The following PHTF2 variants were observed in gnomAD, a reference collection of about 807,000 sequenced individuals.
PHTF2 encodes putative homeodomain transcription factor 2.
PHTF2 carries 60 observed loss-of-function variants against 101.2 expected under a neutral mutation model. That is an observed-to-expected ratio of 0.59 (90% CI 0.48 to 0.73). The LOEUF (loss-of-function observed/expected upper bound fraction) is 0.73. PHTF2 is among the 30% of genes least tolerant of loss of function. PHTF2 has a pLI of 0.00. For synonymous variants in PHTF2, 311 were observed against 307.3 expected (o/e 1.01, Z -0.13); for missense variants, 747 against 908.7 (o/e 0.82, Z 2.29).
At chr7:77,803,203 GATA>G (rs1358083965) in intron 1 of PHTF2, among the ~76,000 whole-genome samples, 4 of 152,228 alleles carry the variant, frequency 2.6e-5, no homozygotes, top group African/African-American at 9.6e-5. Flanking sequence ...ACCACTACCT[GATA>G]ATAATCATAA....
intron 7 of PHTF2, among the ~76,000 whole-genome samples, chr7:77,908,306 C>A (rs1176244697): frequency 6.6e-6 from 1 of 152,122 alleles, no homozygotes; most frequent in East Asian, 1.9e-4. Flanking sequence ...TAATAGTTAG[C>A]ATTGATGGAT....
At chr7:77,947,587 TACAATGTTAGTC>T (rs1562975937) in intron 16 of PHTF2, among the ~76,000 whole-genome samples, 2 of 151,866 alleles carry the variant, frequency 1.3e-5, no homozygotes, top group Non-Finnish European at 2.9e-5. Context: ...AAAGAAGGTA[TACAATGTTAGTC>T]ACAATGTTAA....
intron 2 of PHTF2, among the ~76,000 whole-genome samples, chr7:77,850,523 T>C (rs1261786880): frequency 1.3e-5 from 2 of 151,370 alleles, no homozygotes; most frequent in Admixed American, 1.3e-4. Context: ...ACACCTGTAG[T>C]TGCAACTACT....
intron 3 of PHTF2, among the ~76,000 whole-genome samples, chr7:77,866,498 G>A (rs1356748041): frequency 1.3e-5 from 2 of 152,082 alleles, no homozygotes; most frequent in East Asian, 3.8e-4. Flanking sequence ...TGGTTAACAA[G>A]TTACGTAAAA....
intron 1 of PHTF2, among the ~76,000 whole-genome samples, chr7:77,813,940 A>C (rs1367798665): frequency 6.6e-6 from 1 of 152,198 alleles, no homozygotes; most frequent in African/African-American, 2.4e-5. Context: ...TGTTACATAA[A>C]ATCGTAAGAT....
At position 77,900,699 on chromosome 7, in the gene PHTF2, G is replaced by T; in HGVS notation, c.217-12G>T. 7.3e-7 allele frequency: 1 copy of T among 1,362,110 alleles called. No homozygotes were observed. The highest frequency in any genetic ancestry group is 1.2e-5 in the South Asian group (1 of 85,748). The allele number at this position is 1,362,110 out of a possible 1,614,324, so 84.4% of individuals were successfully genotyped here. ...TATATACAATTCCAATGCTTCTTTT[G>T]ATATATTATAGGGGCTAAGGAATAA... On this transcript the variant is annotated splice_polypyrimidine_tract_variant and intron_variant, in intron 5 of 19. Coordinates refer to ENST00000416283, the Ensembl canonical transcript of PHTF2.
exon 11 of PHTF2, chr7:77,922,757 T>C: frequency 6.3e-7 from 1 of 1,599,898 alleles, no homozygotes; most frequent in South Asian, 1.1e-5. Flanking sequence ...CACACCATTA[T>C]AAGAAACATT....
chr7:77,899,700 A>G (rs564537467), intron 5 of PHTF2, among the ~76,000 whole-genome samples: 1 of 152,224 alleles, frequency 6.6e-6, no homozygotes, highest in Non-Finnish European at 1.5e-5. Context: ...AGATTCAAAC[A>G]GAATACTTAA....
chr7:77,859,122 C>T (rs1797413412), intron 3 of PHTF2, among the ~76,000 whole-genome samples: 1 of 152,214 alleles, frequency 6.6e-6, no homozygotes. Flanking sequence ...TCTTCACACT[C>T]TTTCTGTGTT....
At chr7:77,953,935 T>C (rs1459477422) in intron 19 of PHTF2, 41 bp downstream of exon 18, 4 of 1,599,940 alleles carry the variant, frequency 2.5e-6, no homozygotes, top group Non-Finnish European at 3.4e-6. Context: ...AGTTTCCTGT[T>C]GCATTTTTGT....
At chr7:77,822,062 G>A (rs1193212639) in intron 1 of PHTF2, among the ~76,000 whole-genome samples, 1 of 152,218 alleles carries the variant, frequency 6.6e-6, no homozygotes, top group Non-Finnish European at 1.5e-5. Flanking sequence ...TGTATCAGCT[G>A]CTTAGAGACG....
At chr7:77,915,489 G>T (rs967160065) in intron 9 of PHTF2, among the ~76,000 whole-genome samples, 4 of 152,104 alleles carry the variant, frequency 2.6e-5, no homozygotes, top group Non-Finnish European at 5.9e-5. Context: ...AGGATTACAG[G>T]CATGAGCCAC....
chr7:77,925,871 C>T (rs146865429), intron 11 of PHTF2, among the ~76,000 whole-genome samples: 8,090 of 152,020 alleles, frequency 0.053, 282 homozygotes, highest in South Asian at 0.15. Context: ...TCCTGGCCAA[C>T]ATGGTGAAAC....
chr7:77,871,890 G>A (rs1269561534), intron 3 of PHTF2, among the ~76,000 whole-genome samples: 1 of 152,210 alleles, frequency 6.6e-6, no homozygotes, highest in Non-Finnish European at 1.5e-5. Context: ...CATTCCATGA[G>A]TCCATGATGG....
At chr7:77,927,811 A>G (rs530490935) in intron 11 of PHTF2, among the ~76,000 whole-genome samples, 32 of 152,342 alleles carry the variant, frequency 2.1e-4, no homozygotes, top group African/African-American at 7.5e-4. Context: ...AAAGCAAAGA[A>G]CAAGCCATGC....
chr7:77,893,453 C>A (rs1281177532), intron 3 of PHTF2, among the ~76,000 whole-genome samples, 155 bp from the exon 3 acceptor site: 1 of 152,048 alleles, frequency 6.6e-6, no homozygotes, highest in Non-Finnish European at 1.5e-5. Context: ...CTTTGAGAAC[C>A]ACTGCAATAA....
chr7:77,932,702 T>G (rs1236007598), intron 12 of PHTF2, among the ~76,000 whole-genome samples: 3 of 150,794 alleles, frequency 2.0e-5, no homozygotes, highest in Non-Finnish European at 4.4e-5. Flanking sequence ...CCTTGCCACA[T>G]TGTTGAGGGT....
chr7:77,952,969 C>A (rs1235223229), intron 18 of PHTF2, among the ~76,000 whole-genome samples: 1 of 152,110 alleles, frequency 6.6e-6, no homozygotes, highest in Non-Finnish European at 1.5e-5. Context: ...CACTGAACTC[C>A]TTACAGATAT....
chr7:77,957,088 G>A (rs1412923608), exon 20 of PHTF2: 1 of 152,166 alleles, frequency 6.6e-6, no homozygotes, highest in Non-Finnish European at 1.5e-5. Flanking sequence ...GAAAGAAATT[G>A]TAAAATATCA....
Sources: gnomAD v4.1 joint callset for allele counts (sites outside exome capture counted in the v4.1 genomes callset) on GRCh38, gnomAD v4.1.1 for gene constraint, MANE v1.5 for transcripts, NCBI Gene and HGNC (gene_info 2026-07-23, HGNC 2026-07-21) for gene names.